Variants in CEP85L observed in about 807,000 individuals in gnomAD.
The protein encoded by CEP85L is centrosomal protein of 85 kDa-like.
Under a neutral mutation model 100.3 loss-of-function variants are expected in CEP85L, and 60 were observed. That is an observed-to-expected ratio of 0.60 (90% CI 0.49 to 0.74). The LOEUF is 0.74. Among genes scored for constraint, CEP85L ranks in the 30% least tolerant of loss-of-function variants. The probability of loss-of-function intolerance (pLI) is 0.00; values close to 1 mark genes in which losing one functional copy is unlikely to be tolerated. For synonymous variants in CEP85L, 319 were observed against 322.7 expected (o/e 0.99, Z 0.12); for missense variants, 973 against 936.2 (o/e 1.04, Z -0.51).
chr6:118,627,831 T>C (rs887719056), intron 2 of CEP85L, among the ~76,000 whole-genome samples: 3 of 152,240 alleles, frequency 2.0e-5, no homozygotes, highest in African/African-American at 2.4e-5. Flanking sequence ...CTAAACTCTT[T>C]GTAGTTTTAA....
At chr6:118,701,045 G>A (rs1036980707) in intron 1 of CEP85L, among the ~76,000 whole-genome samples, 1 of 152,188 alleles carries the variant, frequency 6.6e-6, no homozygotes, top group Admixed American at 6.5e-5. Context: ...CTGTAGGAGA[G>A]ACATAATCCC....
intron 5 of CEP85L, among the ~76,000 whole-genome samples, chr6:118,505,675 T>G (rs756974883): frequency 2.0e-5 from 3 of 152,140 alleles, no homozygotes; most frequent in African/African-American, 7.2e-5. Flanking sequence ...TCCAATTACA[T>G]AACATTCTGG....
At chr6:118,522,321 T>C (rs753301001) in intron 4 of CEP85L, among the ~76,000 whole-genome samples, 5 of 152,108 alleles carry the variant, frequency 3.3e-5, no homozygotes, top group Admixed American at 3.3e-4. Flanking sequence ...GATCATGCCA[T>C]TGCACTCCAG....
chr6:118,492,590 T>C (rs750286264), intron 5 of CEP85L, among the ~76,000 whole-genome samples: 38 of 152,142 alleles, frequency 2.5e-4, no homozygotes, highest in Middle Eastern at 3.2e-3. Flanking sequence ...AAATATTCCT[T>C]CAAACAAATC....
At chr6:118,546,120 A>T (rs1232716293) in intron 3 of CEP85L, among the ~76,000 whole-genome samples, 1 of 152,158 alleles carries the variant, frequency 6.6e-6, no homozygotes, top group Non-Finnish European at 1.5e-5. Context: ...TGTTCAGTTA[A>T]AACTAAAATC....
intron 2 of CEP85L, among the ~76,000 whole-genome samples, chr6:118,628,941 A>G (rs1254547479): frequency 6.6e-6 from 1 of 152,232 alleles, no homozygotes; most frequent in Non-Finnish European, 1.5e-5. Context: ...CCAAGAGAAT[A>G]AGACAAGCCA....
intron 3 of CEP85L, among the ~76,000 whole-genome samples, chr6:118,552,627 C>CA (rs1346479165): frequency 2.8e-4 from 40 of 144,366 alleles, no homozygotes; most frequent in South Asian, 1.5e-3. Context: ...TCTTCCACCT[C>CA]AAAAAAAAAA....
intron 10 of CEP85L, among the ~76,000 whole-genome samples, chr6:118,473,860 A>T (rs1773152985): frequency 6.6e-6 from 1 of 152,250 alleles, no homozygotes; most frequent in Middle Eastern, 3.4e-3. Flanking sequence ...GAACAAATGG[A>T]AGGGCAGAGA....
intron 2 of CEP85L, among the ~76,000 whole-genome samples, chr6:118,613,430 T>A (rs975793604): frequency 3.9e-5 from 6 of 152,192 alleles, no homozygotes; most frequent in African/African-American, 1.4e-4. Context: ...GGAAATCGAA[T>A]TCATAATTTT....
At chr6:118,492,585 T>A (rs937069469) in intron 5 of CEP85L, among the ~76,000 whole-genome samples, 3 of 152,150 alleles carry the variant, frequency 2.0e-5, no homozygotes, top group African/African-American at 7.2e-5. Flanking sequence ...AATACAAATA[T>A]TCCTTCAAAC....
Position 118,479,873 on chromosome 6 carries a change from G to GA in CEP85L, c.1911dup (p.Gln638SerfsTer9). The GA allele has an allele frequency of 6.7e-7, 1 of 1,484,218 alleles. No homozygotes were observed. The highest frequency in any genetic ancestry group is 9.2e-7 in the Non-Finnish European group (1 of 1,084,320). 91.9% of individuals were successfully genotyped at this position (1,484,218 alleles called of 1,614,324 possible). On this transcript the variant is annotated frameshift_variant, in exon 10 of 13. Transcript: ENST00000368491. LOFTEE classifies it high-confidence loss of function. ...AATAAGCACAAAATATTCCTTACCT[G>GA]AATTTCTAAAATCATTCTGTCAATC...
intron 1 of CEP85L, chr6:118,664,278 C>T (rs1027201124): frequency 6.6e-6 from 1 of 152,058 alleles, no homozygotes; most frequent in Non-Finnish European, 1.5e-5. Flanking sequence ...GATGTGAAAC[C>T]AATGGATACT....
chr6:118,598,039 A>G (rs1781544349), intron 2 of CEP85L, among the ~76,000 whole-genome samples: 1 of 152,206 alleles, frequency 6.6e-6, no homozygotes, highest in Non-Finnish European at 1.5e-5. Flanking sequence ...AATTTTTGAG[A>G]AGTCATGACA....
chr6:118,675,734 G>T (rs992678432), intron 1 of CEP85L, among the ~76,000 whole-genome samples: 1 of 151,998 alleles, frequency 6.6e-6, no homozygotes, highest in Non-Finnish European at 1.5e-5. Flanking sequence ...AGACCCCAAG[G>T]CAACCCAGTA....
chr6:118,672,062 G>C (rs1055775603), intron 1 of CEP85L, among the ~76,000 whole-genome samples: 1 of 152,180 alleles, frequency 6.6e-6, no homozygotes, highest in Non-Finnish European at 1.5e-5. Flanking sequence ...TTTTGAGACA[G>C]GGTTTCATCT....
At chr6:118,704,117 G>T (rs1187003753) in intron 1 of CEP85L, among the ~76,000 whole-genome samples, 1 of 152,088 alleles carries the variant, frequency 6.6e-6, no homozygotes, top group African/African-American at 2.4e-5. Context: ...CATGTAACTG[G>T]CATGACAAAG....
chr6:118,469,646 G>T (rs1198961671), intron 11 of CEP85L, among the ~76,000 whole-genome samples: 1 of 152,092 alleles, frequency 6.6e-6, no homozygotes, highest in Non-Finnish European at 1.5e-5. Context: ...CACCCAGGCT[G>T]GAGTACAGTG....
chr6:118,526,051 T>A (rs750244563), intron 3 of CEP85L, among the ~76,000 whole-genome samples: 1 of 152,152 alleles, frequency 6.6e-6, no homozygotes, highest in African/African-American at 2.4e-5. Context: ...AGACTAAGGA[T>A]AGAGATCAGT....
chr6:118,696,831 G>GA (rs967630260), intron 1 of CEP85L, among the ~76,000 whole-genome samples: 12 of 152,258 alleles, frequency 7.9e-5, no homozygotes, highest in African/African-American at 2.9e-4. Context: ...TAGTTGATTA[G>GA]ATAGCTCAAC....
Sources: allele counts gnomAD v4.1 joint callset (sites outside exome capture counted in the v4.1 genomes callset), GRCh38; gene constraint gnomAD v4.1.1; transcripts MANE v1.5; gene names NCBI Gene and HGNC (gene_info 2026-07-23, HGNC 2026-07-21).